Variants in DGKH observed in about 807,000 individuals in gnomAD.
The protein encoded by DGKH is DAG kinase eta.
A neutral mutation model predicts 159.3 loss-of-function variants in DGKH; 90 were observed. The ratio of observed to expected loss-of-function variants is 0.57; its 90% confidence interval spans 0.48 to 0.67. The LOEUF is 0.67. Ranked by LOEUF, DGKH falls within the 30% of genes least tolerant of loss-of-function variation. The pLI is 0.00. For missense variants in DGKH, 1,181 were observed against 1,506.1 expected, an observed-to-expected ratio of 0.78 and a Z score of 3.57; for synonymous variants, 536 against 553.8, an observed-to-expected ratio of 0.97 and a Z score of 0.45.
chr13:42,097,134 C>T (rs565909208), intron 1 of DGKH, among the ~76,000 whole-genome samples: 12 of 152,258 alleles, frequency 7.9e-5, no homozygotes, highest in African/African-American at 2.2e-4. Context: ...AAGTGAAATT[C>T]GTGTGGGTTT....
intron 3 of DGKH, among the ~76,000 whole-genome samples, chr13:42,151,020 G>A (rs1955865981): frequency 6.6e-6 from 1 of 152,068 alleles, no homozygotes; most frequent in Admixed American, 6.6e-5. Context: ...TGCAAGCGGA[G>A]GAAGGTAGGC....
At chr13:42,186,909 A>G in intron 13 of DGKH, 140 bp from the exon 14 acceptor site, 1 of 663,694 alleles carries the variant, frequency 1.5e-6, no homozygotes, top group South Asian at 2.0e-5. Flanking sequence ...ACTGCACAGC[A>G]GATAGAAGCA....
At chr13:42,155,851 C>T in intron 5 of DGKH, 52 bp downstream of exon 5, 1 of 1,595,548 alleles carries the variant, frequency 6.3e-7, no homozygotes, top group Non-Finnish European at 8.6e-7. Context: ...ATACTGTAGA[C>T]ATGCTGCCAC....
At chr13:42,215,158 G>T (rs9533038) in intron 25 of DGKH, among the ~76,000 whole-genome samples, 144 of 147,446 alleles carry the variant, frequency 9.8e-4, no homozygotes, top group Middle Eastern at 3.7e-3. Context: ...AACTGATAGC[G>T]TTTTTTTTTT....
chr13:42,151,729 T>C (rs1398211667), intron 3 of DGKH, among the ~76,000 whole-genome samples: 4 of 151,860 alleles, frequency 2.6e-5, no homozygotes, highest in Admixed American at 6.6e-5. Flanking sequence ...ATATCTTTGC[T>C]ATTGTTAATA....
At chr13:42,197,273 A>AAGAG (rs1957226427) in intron 17 of DGKH, among the ~76,000 whole-genome samples, 1 of 100,370 alleles carries the variant, frequency 1.0e-5, no homozygotes, top group Admixed American at 1.2e-4. Context: ...AAAAAAAAGA[A>AAGAG]AGAAAATATT....
rs372304824 is a variant in DGKH, at chr13:42,175,982, C to T, written c.1452+1838C>T. ...TAAATATATACAGAGTGCTTAATTA[C>T]AGCGCCTGGTACACAATGCAAAATA... is the stretch of plus-strand genomic sequence containing the variant. On this transcript the variant is annotated intron_variant, in intron 12 of 29. Coordinates refer to ENST00000337343, the MANE Select transcript of DGKH (RefSeq NM_178009.5). Among the ~76,000 whole-genome samples, 5 of 152,326 alleles carry T rather than the reference C, an allele frequency of 3.3e-5. No homozygotes were observed. In the East Asian group the frequency reaches 7.7e-4, roughly 23 times the overall value.
intron 8 of DGKH, 44 bp from the exon 9 acceptor site, chr13:42,166,471 G>T (rs777362603): frequency 1.2e-5 from 17 of 1,386,262 alleles, no homozygotes; most frequent in African/African-American, 1.0e-4. Flanking sequence ...TAATTTAAAA[G>T]AGAAAGCTGT....
intron 7 of DGKH, 65 bp downstream of exon 7, chr13:42,160,201 T>C: frequency 1.2e-6 from 2 of 1,610,552 alleles, no homozygotes; most frequent in African/African-American, 1.3e-5. Context: ...GTCATCCACG[T>C]GGTTTAGAGG....
intron 1 of DGKH, among the ~76,000 whole-genome samples, chr13:42,074,231 GTGTTT>G (rs1388700012): frequency 2.6e-5 from 4 of 152,190 alleles, no homozygotes; most frequent in African/African-American, 4.8e-5. Context: ...CTGGGGTAAT[GTGTTT>G]TGTTTTAAAG....
Position 42,219,307 on chromosome 13 carries a change from G to A in DGKH, c.3291G>A (p.Glu1097=). The A allele has an allele frequency of 6.2e-7, 1 of 1,613,948 alleles. No homozygotes were observed. The highest frequency in any genetic ancestry group is 8.5e-7 in the Non-Finnish European group (1 of 1,179,900). Residue 1097 remains glutamate, a synonymous_variant, in exon 27 of 30, where the codon GAG becomes GAA. Transcript: ENST00000337343. ...SVEVELQKLT[E]IPWLYYILHP... ...AGGTGGAATTACAGAAACTGACAGA[G>A]ATTCCTTGGCTTTATTATATCTTAC... is the stretch of plus-strand genomic sequence containing the variant.
At chr13:42,170,056 T>C (rs1486861270) in intron 11 of DGKH, among the ~76,000 whole-genome samples, 1 of 152,184 alleles carries the variant, frequency 6.6e-6, no homozygotes, top group Non-Finnish European at 1.5e-5. Context: ...GGAAAAAAGA[T>C]TGGAAATAAA....
At chr13:42,070,896 G>A (rs992431219) in intron 1 of DGKH, 3 of 1,287,118 alleles carry the variant, frequency 2.3e-6, no homozygotes, top group Non-Finnish European at 3.4e-6. Context: ...TAATAATCTT[G>A]ATTTCACATA....
chr13:42,253,761 G>A (rs1442559085), intron 30 of DGKH, among the ~76,000 whole-genome samples: 3 of 152,080 alleles, frequency 2.0e-5, no homozygotes, highest in Non-Finnish European at 4.4e-5. Flanking sequence ...CCTTCATTTT[G>A]TTTTATCCTG....
At chr13:42,207,108 T>A (rs59246620) in intron 21 of DGKH, among the ~76,000 whole-genome samples, 14 of 135,474 alleles carry the variant, frequency 1.0e-4, no homozygotes, top group Non-Finnish European at 1.1e-4. Context: ...TTTCTTTCTT[T>A]CTTTCTCTTT....
chr13:42,255,913 T>G (rs1958653938), intron 30 of DGKH: 5 of 1,585,514 alleles, frequency 3.2e-6, no homozygotes, highest in Admixed American at 3.6e-5. Context: ...CAGGCTTGCC[T>G]TTTGTCACTG....
At position 42,230,500 on chromosome 13, in the gene DGKH, A is replaced by G. The variant is rs1225195932; in HGVS notation, c.*1312A>G. The stretch of plus-strand genomic sequence containing the variant: ...AAAGGCATACGTATCAAAAAGTCAC[A>G]AAAATATCCTTAAATAAGCTTTCTT... On this transcript the variant is annotated 3_prime_UTR_variant, in exon 30 of 30. Coordinates refer to ENST00000337343, the MANE Select transcript of DGKH (RefSeq NM_178009.5). 3.3e-5 allele frequency: 5 copies of G among 152,152 alleles called. No homozygotes were observed. Among genetic ancestry groups the G allele is most frequent in the Non-Finnish European group, 7.4e-5 (5 of 68,012 alleles). The allele number at this position is 152,152 out of a possible 1,614,324, so 9.4% of individuals were successfully genotyped here.
intron 1 of DGKH, among the ~76,000 whole-genome samples, chr13:42,051,287 G>A (rs928696590): frequency 7.2e-5 from 11 of 152,188 alleles, no homozygotes; most frequent in Non-Finnish European, 1.2e-4. Context: ...GTGCATGTAA[G>A]TTCATCAACA....
chr13:42,049,665 A>G (rs1407838312), intron 1 of DGKH, among the ~76,000 whole-genome samples: 1 of 152,228 alleles, frequency 6.6e-6, no homozygotes. Flanking sequence ...CGCCAAGTGC[A>G]GGCAGGGTTC....
Sources: allele counts gnomAD v4.1 joint callset (sites outside exome capture counted in the v4.1 genomes callset), GRCh38; gene constraint gnomAD v4.1.1; transcripts MANE v1.5; gene names NCBI Gene and HGNC (gene_info 2026-07-23, HGNC 2026-07-21).